The following ZZEF1 variants were observed in gnomAD, a reference collection of about 807,000 sequenced individuals.
ZZEF1 encodes zinc finger ZZ-type and EF-hand domain-containing protein 1.
Under a neutral mutation model 342.8 loss-of-function variants are expected in ZZEF1, and 157 were observed. That is an observed-to-expected ratio of 0.46 (90% CI 0.40 to 0.52). The LOEUF is 0.52. Ranked by LOEUF, ZZEF1 falls within the 20% of genes least tolerant of loss-of-function variation. The pLI is 0.00. For synonymous variants in ZZEF1, 1,505 were observed against 1,429.1 expected (o/e 1.05, Z -1.20); for missense variants, 3,480 against 3,725.6 (o/e 0.93, Z 1.72).
intron 23 of ZZEF1, 140 bp from the exon 24 acceptor site, chr17:4,074,491 T>C: frequency 3.4e-6 from 3 of 877,018 alleles, no homozygotes; most frequent in Non-Finnish European, 3.6e-6. Flanking sequence ...AACGGAGAAA[T>C]GTACAAAGGG....
chr17:4,134,241 C>T (rs2058712730), intron 1 of ZZEF1, among the ~76,000 whole-genome samples: 1 of 151,002 alleles, frequency 6.6e-6, no homozygotes, highest in South Asian at 2.1e-4. Context: ...ACCGCTTGAA[C>T]CTAGGAGGTC....
chr17:4,086,622 C>G lies in ZZEF1; in HGVS notation c.2376G>C (p.Leu792=), dbSNP rs1284020086. The change falls in exon 15 of 55, where the codon CTG becomes CTC. Residue 792 remains leucine (L), a synonymous_variant. Coordinates refer to ENST00000381638, the MANE Select transcript of ZZEF1 (RefSeq NM_015113.4). ...AGCAGCTCTGGAGTAGCTGCAGAAGCAGGGTTTGGGCAGAGACGCATTCTT... is the reference window on the plus strand; with the variant it reads ...AGCAGCTCTGGAGTAGCTGCAGAAGGAGGGTTTGGGCAGAGACGCATTCTT... ...PREECVSAQT[L]LLQLLQSCFS... is the part of the protein sequence containing the mutation. 1 of 1,614,102 alleles carries G rather than the reference C, an allele frequency of 6.2e-7. No individual in the cohort carries two copies. The highest frequency in any genetic ancestry group is 1.7e-5 in the Admixed American group (1 of 60,022).
chr17:4,071,757 G>C (rs2057514105), intron 25 of ZZEF1, among the ~76,000 whole-genome samples: 1 of 152,184 alleles, frequency 6.6e-6, no homozygotes, highest in South Asian at 2.1e-4. Context: ...CTGAGTTAAG[G>C]GGAGTCAGGA....
intron 9 of ZZEF1, among the ~76,000 whole-genome samples, chr17:4,099,922 GA>G (rs34098629): frequency 0.96 from 144,840 of 151,572 alleles, 69,564 homozygotes; most frequent in Non-Finnish European, 1. Flanking sequence ...AGATAACAGG[GA>G]AAAAAAAAAT....
At position 4,102,477 on chromosome 17, in the gene ZZEF1, G is replaced by A. The variant is rs576331247; in HGVS notation, c.1574-62C>T. 58 of 1,378,966 alleles carry A rather than the reference G, an allele frequency of 4.2e-5. No homozygotes were observed. In the Admixed American group the frequency reaches 7.1e-4, roughly 17 times the overall value. 85.4% of individuals were successfully genotyped at this position (1,378,966 alleles called of 1,614,324 possible). A position where few individuals can be genotyped will look rare whatever the true frequency, so the allele number is the denominator to read the frequency against. On this transcript the variant is annotated intron_variant, in intron 8 of 54. Coordinates refer to ENST00000381638, the MANE Select transcript of ZZEF1 (RefSeq NM_015113.4). ...AATATGAAGAACTGGAAACTAGCAT[G>A]CCTATCTGTGGAAATAGAGTCCTGT...
chr17:4,096,234 C>T (rs539948426), intron 10 of ZZEF1, among the ~76,000 whole-genome samples: 2 of 152,254 alleles, frequency 1.3e-5, no homozygotes, highest in East Asian at 1.9e-4. Context: ...CTGCTACAGG[C>T]CTGACACAGA....
At chr17:4,033,358 A>T (rs908735667) in intron 40 of ZZEF1, 6 of 174,866 alleles carry the variant, frequency 3.4e-5, no homozygotes, top group South Asian at 1.6e-4. Flanking sequence ...TATTATTATT[A>T]TTTTTTTGAG....
chr17:4,007,530 A>G (rs2055833004), intron 54 of ZZEF1, among the ~76,000 whole-genome samples: 1 of 152,124 alleles, frequency 6.6e-6, no homozygotes, highest in African/African-American at 2.4e-5. Flanking sequence ...GAAGAGGGTA[A>G]GGAGGAAATG....
Position 4,124,197 on chromosome 17 carries a change from A to G in ZZEF1, c.355-146T>C. 2.8e-6 allele frequency: 3 copies of G among 1,063,292 alleles called. No individual in the cohort carries two copies. The South Asian group carries it at 5.5e-5, about 19-fold the overall frequency. The allele number at this position is 1,063,292 out of a possible 1,614,324, so 65.9% of individuals were successfully genotyped here. ...GAGTCCATATGTATCAACCAAAGATAAATTTAGAACAGGAACTCACTGCGC... is the reference window on the plus strand; with the variant it reads ...GAGTCCATATGTATCAACCAAAGATGAATTTAGAACAGGAACTCACTGCGC... On this transcript the variant is annotated intron_variant, in intron 1 of 54. Transcript: ENST00000381638.
At position 4,117,117 on chromosome 17, in the gene ZZEF1, C is replaced by T. The variant is rs149589527; in HGVS notation, c.549G>A (p.Ser183=). Reference sequence around the variant, plus strand: ...GGTGCAGGAAGCGCAGTATCATTGACGAGTGAATATCAAGGCCCTCCTTCG... The same window carrying T: ...GGTGCAGGAAGCGCAGTATCATTGATGAGTGAATATCAAGGCCCTCCTTCG... ...SESKEGLDIH[S]SMILRFLHRN... Residue 183 remains serine (S), a synonymous_variant, in exon 3 of 55, where the codon TCG becomes TCA. Coordinates refer to ENST00000381638, the MANE Select transcript of ZZEF1 (RefSeq NM_015113.4). The T allele has an allele frequency of 6.9e-5, 111 of 1,613,996 alleles. No individual in the cohort carries two copies. The highest frequency in any genetic ancestry group is 4.8e-4 in the African/African-American group (36 of 75,024).
rs549063060 is a variant in ZZEF1 at position 4,008,772 on chromosome 17, G to A, written c.8805+111C>T. On this transcript the variant is annotated intron_variant, in intron 54 of 54. Coordinates refer to ENST00000381638, the MANE Select transcript of ZZEF1 (RefSeq NM_015113.4). The surrounding 1 kb of genome is among the most constrained non-coding windows in gnomAD (Gnocchi z 4.2). Reference sequence around the variant, plus strand: ...CTGGAACAAGCTCTGTGTAAGCTCCGGGTGGATTCTGTCCTACTCAGACGC... The same window carrying A: ...CTGGAACAAGCTCTGTGTAAGCTCCAGGTGGATTCTGTCCTACTCAGACGC... The A allele has an allele frequency of 1.0e-4, 147 of 1,470,696 alleles. 2 individuals are homozygous for A. The highest frequency in any genetic ancestry group is 9.1e-4 in the South Asian group (68 of 75,060). 91.1% of individuals were successfully genotyped at this position (1,470,696 alleles called of 1,614,324 possible).
chr17:4,077,841 C>T, intron 19 of ZZEF1, 42 bp downstream of exon 19: 1 of 1,603,560 alleles, frequency 6.2e-7, no homozygotes, highest in Non-Finnish European at 8.5e-7. Flanking sequence ...GAGTCAAAAC[C>T]CAAACGCCAT....
Position 4,024,948 on chromosome 17 carries a change from C to T in ZZEF1, c.7063G>A (p.Ala2355Thr). The T allele has an allele frequency of 6.2e-7, 1 of 1,614,182 alleles. No homozygotes were observed. The highest frequency in any genetic ancestry group is 8.5e-7 in the Non-Finnish European group (1 of 1,180,032). Residue 2355 changes from alanine to threonine, a missense_variant, in exon 43 of 55, where the codon GCC (alanine) becomes ACC (threonine). Physicochemically the swap from Ala to Thr is moderately conservative, Grantham distance 58. This residue lies in a region of ZZEF1 where 1,269 missense variants were observed against 1,342.4 expected (regional missense o/e 0.95). Transcript: ENST00000381638. Reference sequence around the variant, plus strand: ...AGTGTTTTATACAATCCTTTCAGGGCCAGGGACAGGACCCAAGTTGCTTCT... The same window carrying T: ...AGTGTTTTATACAATCCTTTCAGGGTCAGGGACAGGACCCAAGTTGCTTCT... ...AVEATWVLSLALKGLYKTLKA... is the reference protein window; with the variant it reads ...AVEATWVLSLTLKGLYKTLKA...
chr17:4,075,791 T>C (rs1324478897), intron 21 of ZZEF1, among the ~76,000 whole-genome samples: 2 of 149,352 alleles, frequency 1.3e-5, no homozygotes, highest in East Asian at 4.0e-4. Context: ...AATCTGGATC[T>C]ACTCTCCCTT....
chr17:4,008,527 C>T lies in ZZEF1; in HGVS notation c.8805+356G>A. The T allele has an allele frequency of 1.9e-6, 2 of 1,046,136 alleles. No individual in the cohort carries two copies. Among genetic ancestry groups the T allele is most frequent in the Non-Finnish European group, 2.3e-6 (2 of 868,310 alleles). The allele number at this position is 1,046,136 out of a possible 1,614,324, so 64.8% of individuals were successfully genotyped here. ...TGTGAAGCGTCCTGAGACCAAACAGCTGTCAGAAGAGGAGTTCCGCTACCA... is the reference window on the plus strand; with the variant it reads ...TGTGAAGCGTCCTGAGACCAAACAGTTGTCAGAAGAGGAGTTCCGCTACCA... On this transcript the variant is annotated intron_variant, in intron 54 of 54. Coordinates refer to ENST00000381638, the MANE Select transcript of ZZEF1 (RefSeq NM_015113.4). This position sits in a 1 kb window ranked among gnomAD's most constrained non-coding sequence, Gnocchi z 4.2.
Position 4,087,429 on chromosome 17 carries a change from CCTA to C in ZZEF1, c.2342+2_2342+4del, listed in dbSNP as rs1446290629. ...CTTATCACCTTATAACAAATTCTGA[CCTA>C]CTTTTGCTTTAATTTACTGTAAAAA... is the stretch of plus-strand genomic sequence containing the variant. On this transcript the variant is annotated splice_donor_variant and splice_donor_region_variant and intron_variant, in intron 14 of 54. Transcript: ENST00000381638. LOFTEE classifies it high-confidence loss of function. The C allele has an allele frequency of 6.2e-7, 1 of 1,605,316 alleles. No individual in the cohort carries two copies. Among genetic ancestry groups the C allele is most frequent in the Non-Finnish European group, 8.5e-7 (1 of 1,175,998 alleles).
At chr17:4,038,181 A>C (rs1194917362) in intron 39 of ZZEF1, among the ~76,000 whole-genome samples, 1 of 152,212 alleles carries the variant, frequency 6.6e-6, no homozygotes, top group Non-Finnish European at 1.5e-5. Context: ...GGAGCAAATA[A>C]AGCTTTCATG....
In ZZEF1 at chr17:4,078,062, CAG is replaced by C. The variant is rs2057657173; in HGVS notation, c.2830-22_2830-21del. 7 of 1,605,876 alleles carry C rather than the reference CAG, an allele frequency of 4.4e-6. No homozygotes were observed. The highest frequency in any genetic ancestry group is 2.2e-5 in the East Asian group (1 of 44,702). On this transcript the variant is annotated intron_variant, in intron 18 of 54. Coordinates refer to ENST00000381638, the MANE Select transcript of ZZEF1 (RefSeq NM_015113.4). ...CTCGCACTACAAGGGAGGAGACAAA[CAG>C]AAAGTGTTCGTGACAAGGCCATTCA...
intron 42 of ZZEF1, among the ~76,000 whole-genome samples, chr17:4,030,860 C>T (rs1057320263): frequency 2.6e-5 from 4 of 152,160 alleles, no homozygotes; most frequent in Admixed American, 2.6e-4. Context: ...AGCTGAAAGA[C>T]CTGATTTCAA....
Sources: allele counts gnomAD v4.1 joint callset (sites outside exome capture counted in the v4.1 genomes callset), GRCh38; gene constraint gnomAD v4.1.1; regional missense constraint gnomAD v4.1.1; non-coding constraint Gnocchi (gnomAD v3.1); transcripts MANE v1.5; gene names NCBI Gene and HGNC (gene_info 2026-07-23, HGNC 2026-07-21).